Variants in CHRM3 observed in about 807,000 individuals in gnomAD.
CHRM3 encodes cholinergic receptor muscarinic 3.
CHRM3 carries 11 observed loss-of-function variants against 41.8 expected under a neutral mutation model. The observed-to-expected ratio is 0.26, with a 90% confidence interval of 0.17 to 0.44. CHRM3 has a LOEUF of 0.44. CHRM3 is among the 20% of genes least tolerant of loss of function. The pLI is 1.00. For missense variants in CHRM3, 571 were observed against 745.4 expected, an observed-to-expected ratio of 0.77 and a Z score of 2.72; for synonymous variants, 297 against 301.4, an observed-to-expected ratio of 0.99 and a Z score of 0.15.
chr1:239,846,869 A>C (rs1674309331), intron 6 of CHRM3, among the ~76,000 whole-genome samples: 1 of 152,214 alleles, frequency 6.6e-6, no homozygotes, highest in Non-Finnish European at 1.5e-5. Context: ...GTTTTGATAG[A>C]ACATCTTGTA....
intron 5 of CHRM3, among the ~76,000 whole-genome samples, chr1:239,684,655 AAAAGAAAAAAG>A (rs931053341): frequency 3.3e-5 from 5 of 151,344 alleles, no homozygotes; most frequent in African/African-American, 7.3e-5. Flanking sequence ...CGTCTCAAAA[AAAAGAAAAAAG>A]AAAGAAAAAA....
At chr1:239,520,649 AT>A (rs1669581030) in intron 2 of CHRM3, among the ~76,000 whole-genome samples, 1 of 152,144 alleles carries the variant, frequency 6.6e-6, no homozygotes, top group Non-Finnish European at 1.5e-5. Flanking sequence ...GTAGTTCTTT[AT>A]TGCAATGCAG....
chr1:239,785,863 A>G (rs1668853854), intron 5 of CHRM3, among the ~76,000 whole-genome samples: 1 of 152,162 alleles, frequency 6.6e-6, no homozygotes, highest in Non-Finnish European at 1.5e-5. Context: ...TTGGATATTT[A>G]GGAGCCTTTC....
At chr1:239,467,905 C>T (rs6661320) in intron 1 of CHRM3, among the ~76,000 whole-genome samples, 41 of 151,740 alleles carry the variant, frequency 2.7e-4, no homozygotes, top group African/African-American at 8.7e-4. Context: ...CCCTACCCCC[C>T]CCCAACGTTA....
intron 6 of CHRM3, among the ~76,000 whole-genome samples, chr1:239,855,922 G>A (rs1007923071): frequency 7.2e-5 from 11 of 152,120 alleles, no homozygotes; most frequent in African/African-American, 2.7e-4. Flanking sequence ...TACTTTAGCA[G>A]GCATATCAAT....
At chr1:239,422,442 G>T (rs191296281) in intron 1 of CHRM3, among the ~76,000 whole-genome samples, 203 of 152,114 alleles carry the variant, frequency 1.3e-3, no homozygotes, top group Non-Finnish European at 2.5e-3. Context: ...AATATGAATT[G>T]CAGTTTTATT....
At chr1:239,773,010 A>T (rs942567374) in intron 5 of CHRM3, among the ~76,000 whole-genome samples, 11 of 152,214 alleles carry the variant, frequency 7.2e-5, no homozygotes, top group African/African-American at 2.4e-4. Flanking sequence ...CACTCATTCA[A>T]TCTATACAGA....
chr1:239,783,991 G>A (rs1240830499), intron 5 of CHRM3, among the ~76,000 whole-genome samples: 2 of 152,164 alleles, frequency 1.3e-5, no homozygotes, highest in Non-Finnish European at 2.9e-5. Context: ...TTAATTCACC[G>A]AGGATAATGG....
chr1:239,864,019 A>C (rs1675858673), intron 6 of CHRM3, among the ~76,000 whole-genome samples: 1 of 151,928 alleles, frequency 6.6e-6, no homozygotes, highest in African/African-American at 2.4e-5. Flanking sequence ...GAAAAATAAT[A>C]TGATCTTCTC....
chr1:239,866,461 A>G (rs1461207716), intron 6 of CHRM3, among the ~76,000 whole-genome samples: 1 of 152,038 alleles, frequency 6.6e-6, no homozygotes, highest in South Asian at 2.1e-4. Context: ...TCCTAGATTC[A>G]CCAGACACAC....
At chr1:239,458,890 C>G (rs1287580030) in intron 1 of CHRM3, among the ~76,000 whole-genome samples, 1 of 89,272 alleles carries the variant, frequency 1.1e-5, no homozygotes, top group Non-Finnish European at 2.5e-5. Context: ...ATGGGAGACC[C>G]CCCCCCATCA....
chr1:239,597,637 A>G (rs1664939376), intron 3 of CHRM3, among the ~76,000 whole-genome samples: 1 of 151,960 alleles, frequency 6.6e-6, no homozygotes, highest in Admixed American at 6.6e-5. Context: ...CTTTTACCTC[A>G]CTTTAATGAT....
At chr1:239,724,356 A>G (rs1272811723) in intron 5 of CHRM3, among the ~76,000 whole-genome samples, 1 of 151,964 alleles carries the variant, frequency 6.6e-6, no homozygotes, top group East Asian at 1.9e-4. Context: ...TCTTTGTAGT[A>G]TTCTTCAGAT....
At chr1:239,817,844 G>T (rs1029912135) in intron 5 of CHRM3, among the ~76,000 whole-genome samples, 2 of 152,038 alleles carry the variant, frequency 1.3e-5, no homozygotes, top group African/African-American at 4.8e-5. Flanking sequence ...CCCACCCCTT[G>T]TTCACATGTC....
chr1:239,751,207 C>T (rs1477673663), intron 5 of CHRM3, among the ~76,000 whole-genome samples: 1 of 147,492 alleles, frequency 6.8e-6, no homozygotes, highest in African/African-American at 2.5e-5. Flanking sequence ...CACTACACTC[C>T]AGCCTGGATG....
intron 2 of CHRM3, among the ~76,000 whole-genome samples, chr1:239,508,801 GAT>G (rs1163970732): frequency 6.6e-6 from 1 of 152,092 alleles, no homozygotes; most frequent in African/African-American, 2.4e-5. Flanking sequence ...TGTTAAATGG[GAT>G]ATGTTACTCA....
intron 6 of CHRM3, among the ~76,000 whole-genome samples, chr1:239,902,478 C>T (rs1000973260): frequency 7.9e-5 from 12 of 152,220 alleles, no homozygotes; most frequent in East Asian, 1.9e-4. Context: ...AAATTAATGA[C>T]GATGAGAACA....
chr1:239,399,361 A>G (rs139974595), intron 1 of CHRM3, among the ~76,000 whole-genome samples: 1 of 149,432 alleles, frequency 6.7e-6, no homozygotes, highest in Non-Finnish European at 1.5e-5. Context: ...TGCTGTGAGA[A>G]TGTTATAAGA....
At chr1:239,679,957 C>T (rs913683883) in intron 5 of CHRM3, among the ~76,000 whole-genome samples, 5 of 152,058 alleles carry the variant, frequency 3.3e-5, no homozygotes, top group Non-Finnish European at 7.4e-5. Flanking sequence ...CCGGCTTCAC[C>T]GCAGAAGATT....
Sources: allele counts gnomAD v4.1 joint callset (sites outside exome capture counted in the v4.1 genomes callset), GRCh38; gene constraint gnomAD v4.1.1; transcripts MANE v1.5; gene names NCBI Gene and HGNC (gene_info 2026-07-23, HGNC 2026-07-21).